The following ZNF175 variants were observed in gnomAD, a reference collection of about 807,000 sequenced individuals.
ZNF175 encodes the protein zinc finger protein 175, also known as zinc finger protein OTK18.
In ZNF175, 8 loss-of-function variants were observed where a neutral mutation model predicts 14.0. The ratio of observed to expected loss-of-function variants is 0.57; its 90% CI spans 0.34 to 1.03. The LOEUF (loss-of-function observed/expected upper bound fraction) is 1.03, where lower values mean the gene tolerates loss of function less well. Among genes scored for constraint, ZNF175 ranks in the 50% least tolerant of loss-of-function variants. ZNF175 has a pLI of 0.03. For synonymous variants in ZNF175, 255 were observed against 296.8 expected (o/e 0.86, Z 1.45); for missense variants, 764 against 849.5 (o/e 0.90, Z 1.25).
At position 51,581,444 on chromosome 19, in the gene ZNF175, G is replaced by C; in HGVS notation, c.126G>C (p.Gln42His). ...VTVDFSREEW[Q>H]QLDPAQRCLY... The stretch of plus-strand genomic sequence containing the variant: ...TGGACTTCAGCAGGGAGGAGTGGCA[G>C]CAACTGGACCCTGCCCAGAGATGCC... The change falls in exon 3 of 5, where the codon CAG (glutamine) becomes CAC (histidine). Residue 42 changes from glutamine to histidine, a missense_variant. Transcript: ENST00000262259. 1 of 1,614,192 alleles carries C rather than the reference G, an allele frequency of 6.2e-7. No homozygotes were observed. Among genetic ancestry groups the C allele is most frequent in the Non-Finnish European group, 8.5e-7 (1 of 1,180,044 alleles).
chr19:51,577,954 C>T (rs148897255), intron 2 of ZNF175, among the ~76,000 whole-genome samples: 2,299 of 151,880 alleles, frequency 0.015, 56 homozygotes, highest in African/African-American at 0.053. Context: ...TGAGCCACCG[C>T]ACCTGGCATA....
intron 3 of ZNF175, 56 bp downstream of exon 3, chr19:51,581,573 C>T: frequency 6.3e-7 from 1 of 1,578,224 alleles, no homozygotes; most frequent in Non-Finnish European, 8.6e-7. Flanking sequence ...GATTTCCTTC[C>T]TCCTCATTGC....
chr19:51,587,585 G>T lies in ZNF175; in HGVS notation c.1254G>T (p.Gln418His). The change falls in exon 5 of 5, where the codon CAG becomes CAT. Residue 418 changes from glutamine (Q) to histidine (H), a missense_variant. By Grantham distance (24) the Gln-to-His change is conservative (BLOSUM62 0). Coordinates refer to ENST00000262259, the MANE Select transcript of ZNF175 (RefSeq NM_007147.4). ...IHQKIHTGER[Q>H]YACSECGKAF... is the part of the protein sequence containing the mutation. ...AGAAAATTCATACTGGTGAGAGACA[G>T]TATGCATGCAGTGAATGTGGGAAAG... The T allele has an allele frequency of 6.2e-7, 1 of 1,614,104 alleles. No homozygotes were observed.
chr19:51,581,631 G>A, intron 3 of ZNF175, 114 bp downstream of exon 3: 3 of 1,527,644 alleles, frequency 2.0e-6, no homozygotes, highest in Non-Finnish European at 2.6e-6. Context: ...TTATCGGTTT[G>A]TCCTGGATTG....
intron 2 of ZNF175, among the ~76,000 whole-genome samples, chr19:51,577,970 C>T (rs1271582232): frequency 3.3e-5 from 5 of 151,866 alleles, no homozygotes; most frequent in Non-Finnish European, 7.4e-5. Flanking sequence ...GCATACCCCT[C>T]TCTCTTTTGT....
Position 51,589,752 on chromosome 19 carries a change from G to T in ZNF175, c.*1285G>T, listed in dbSNP as rs923009918. On this transcript the variant is annotated 3_prime_UTR_variant, in exon 5 of 5. Coordinates refer to ENST00000262259, the MANE Select transcript of ZNF175 (RefSeq NM_007147.4). The stretch of plus-strand genomic sequence containing the variant: ...TGTTCATTTGGACATGTATTGTCTG[G>T]GCTTCTTTTGTGCTGCACTGGCAGA... The T allele has an allele frequency of 3.4e-6, 2 of 586,578 alleles. No individual in the cohort carries two copies. Among genetic ancestry groups the T allele is most frequent in the Non-Finnish European group, 6.0e-6 (2 of 331,986 alleles). 36.3% of individuals were successfully genotyped at this position (586,578 alleles called of 1,614,324 possible). A position where few individuals can be genotyped will look rare whatever the true frequency, so the allele number is the denominator to read the frequency against.
intron 2 of ZNF175, among the ~76,000 whole-genome samples, chr19:51,574,426 G>A (rs532373636): frequency 1.3e-5 from 2 of 152,338 alleles, no homozygotes; most frequent in South Asian, 4.1e-4. Context: ...AGTGGCTCAT[G>A]CACTTTGGGA....
chr19:51,572,002 G>A (rs1981602736), intron 1 of ZNF175, among the ~76,000 whole-genome samples: 1 of 152,188 alleles, frequency 6.6e-6, no homozygotes, highest in African/African-American at 2.4e-5. Context: ...GAGTGTTGGG[G>A]TCCTTCAGGG....
chr19:51,572,809 A>T (rs577392498), intron 1 of ZNF175, among the ~76,000 whole-genome samples: 5 of 152,298 alleles, frequency 3.3e-5, no homozygotes, highest in African/African-American at 1.2e-4. Flanking sequence ...TCTTTTTTTA[A>T]TTCATATTTA....
chr19:51,573,637 C>T (rs1312040025), intron 2 of ZNF175: 12 of 515,598 alleles, frequency 2.3e-5, no homozygotes, highest in Non-Finnish European at 3.4e-5. Flanking sequence ...AACTGTAGTC[C>T]CTGGTCTGAT....
intron 2 of ZNF175, among the ~76,000 whole-genome samples, chr19:51,577,147 A>T (rs2122562296): frequency 6.6e-6 from 1 of 152,358 alleles, no homozygotes; most frequent in South Asian, 2.1e-4. Context: ...CACGCCAAAA[A>T]GCAAAGATCA....
chr19:51,582,932 C>T (rs985837095), intron 4 of ZNF175, among the ~76,000 whole-genome samples: 4 of 151,726 alleles, frequency 2.6e-5, no homozygotes, highest in East Asian at 2.0e-4. Context: ...CTTGGCTCAC[C>T]GCAACCTCCG....
intron 2 of ZNF175, 151 bp from the exon 3 acceptor site, chr19:51,581,240 T>TA (rs1342064605): frequency 9.7e-7 from 1 of 1,034,266 alleles, no homozygotes; most frequent in Non-Finnish European, 1.4e-6. Context: ...TATTTTTTTT[T>TA]AAATCCCTAA....
rs1240179855 is a variant in ZNF175, at chr19:51,581,287, A to T, written c.73-104A>T. ...AGGTGTTTGGTGGGAAGCCTCTGTG[A>T]TGGATCGTGGTGAAAATCATTAAAA... On this transcript the variant is annotated intron_variant, in intron 2 of 4. Coordinates refer to ENST00000262259, the MANE Select transcript of ZNF175 (RefSeq NM_007147.4). 1.4e-5 allele frequency: 21 copies of T among 1,543,140 alleles called. No individual in the cohort carries two copies. In the African/African-American group the frequency reaches 1.4e-4, roughly 10 times the overall value.
At chr19:51,579,745 A>G (rs1600082557) in intron 2 of ZNF175, among the ~76,000 whole-genome samples, 1 of 152,202 alleles carries the variant, frequency 6.6e-6, no homozygotes, top group Admixed American at 6.5e-5. Flanking sequence ...CCAGAATTCC[A>G]CCCCTGGGTA....
rs780369704 is a variant in ZNF175, at chr19:51,588,428, CA to C, written c.2100del (p.Lys700AsnfsTer6). 5.0e-4 allele frequency: 793 copies of C among 1,588,662 alleles called. 1 individual carries two copies. The highest frequency in any genetic ancestry group is 8.6e-4 in the South Asian group (75 of 86,866). ...QTTHTRDKSY[K>X]CSYSVKGFTK... ...CAACTCATACCAGAGACAAATCTTACAAATGCAGTTATTCTGTGAAAGGCTT... is the reference window on the plus strand; with the variant it reads ...CAACTCATACCAGAGACAAATCTTACAATGCAGTTATTCTGTGAAAGGCTT... On this transcript the variant is annotated frameshift_variant, in exon 5 of 5. Transcript: ENST00000262259. LOFTEE classifies it low-confidence loss of function (END_TRUNC).
rs965039448 is a variant in ZNF175, at chr19:51,591,333, G to A, written c.*2866G>A. On this transcript the variant is annotated 3_prime_UTR_variant, in exon 5 of 5. Coordinates refer to ENST00000262259, the MANE Select transcript of ZNF175 (RefSeq NM_007147.4). The stretch of plus-strand genomic sequence containing the variant: ...CAATGCCTGTGGGATAATAGACGGA[G>A]GAATCTGGAGTTTGGTTGGGTGATT... 1 of 152,362 alleles carries A rather than the reference G, an allele frequency of 6.6e-6. No individual in the cohort carries two copies. Among genetic ancestry groups the A allele is most frequent in the Admixed American group, 6.5e-5 (1 of 15,288 alleles). 9.4% of individuals were successfully genotyped at this position (152,362 alleles called of 1,614,324 possible).
In ZNF175 at chr19:51,589,620, T is replaced by G; in HGVS notation, c.*1153T>G. The G allele has an allele frequency of 1.4e-6, 1 of 700,026 alleles. No individual in the cohort carries two copies. The highest frequency in any genetic ancestry group is 2.6e-6 in the Non-Finnish European group (1 of 384,146). The allele number at this position is 700,026 out of a possible 1,614,324, so 43.4% of individuals were successfully genotyped here. A position where few individuals can be genotyped will look rare whatever the true frequency, so the allele number is the denominator to read the frequency against. ...GCCTCTCCATAATTAGTGCCAACCA[T>G]TAGTCTCGTTCATATTTTTACACCA... On this transcript the variant is annotated 3_prime_UTR_variant, in exon 5 of 5. Transcript: ENST00000262259.
chr19:51,586,385 T>G (rs1982163338), intron 4 of ZNF175, among the ~76,000 whole-genome samples: 2 of 152,268 alleles, frequency 1.3e-5, no homozygotes, highest in South Asian at 4.1e-4. Context: ...CTCCTGAGGT[T>G]ATTATGCAGA....
Sources: gnomAD v4.1 joint callset for allele counts (sites outside exome capture counted in the v4.1 genomes callset) on GRCh38, gnomAD v4.1.1 for gene constraint, MANE v1.5 for transcripts, NCBI Gene and HGNC (gene_info 2026-07-23, HGNC 2026-07-21) for gene names.